The following GALM variants were observed in gnomAD, a reference collection of about 807,000 sequenced individuals.
GALM encodes galactose mutarotase.
In GALM, 43 loss-of-function variants were observed where a neutral mutation model predicts 37.4. The observed-to-expected ratio is 1.15, with a 90% CI of 0.90 to 1.48. GALM has a LOEUF of 1.48. GALM is among the 40% of genes most tolerant of loss of function. The pLI is 0.00. For missense variants in GALM, 456 were observed against 419.1 expected (o/e 1.09, Z -0.77); for synonymous variants, 199 against 170.6 (o/e 1.17, Z -1.30).
intron 4 of GALM, among the ~76,000 whole-genome samples, chr2:38,724,352 GAAA>G (rs906556506): frequency 6.6e-5 from 10 of 151,824 alleles, no homozygotes; most frequent in African/African-American, 2.2e-4. Flanking sequence ...TGAGAACAAA[GAAA>G]AAAAAGATTG....
intron 1 of GALM, among the ~76,000 whole-genome samples, chr2:38,672,943 G>A (rs1279257871): frequency 1.3e-5 from 2 of 152,102 alleles, no homozygotes; most frequent in African/African-American, 4.8e-5. Flanking sequence ...CCAGGAGGCG[G>A]ACGTTGCAGT....
intron 4 of GALM, among the ~76,000 whole-genome samples, chr2:38,706,152 C>G (rs1374457365): frequency 1.3e-5 from 2 of 151,920 alleles, no homozygotes; most frequent in Non-Finnish European, 2.9e-5. Context: ...TTACACGTGC[C>G]CGCCACCCTG....
At chr2:38,671,413 A>C in intron 1 of GALM, 1 of 152,222 alleles carries the variant, frequency 6.6e-6, no homozygotes, top group East Asian at 1.9e-4. Flanking sequence ...GGCGAGGAGG[A>C]AGCTAGACAG....
intron 4 of GALM, among the ~76,000 whole-genome samples, chr2:38,726,383 C>T (rs956225731): frequency 1.3e-4 from 20 of 151,286 alleles, no homozygotes; most frequent in South Asian, 2.1e-4. Context: ...CCCGCCACTA[C>T]GCCCGGCTAA....
intron 4 of GALM, among the ~76,000 whole-genome samples, chr2:38,724,201 G>A (rs1356853926): frequency 6.6e-6 from 1 of 152,176 alleles, no homozygotes; most frequent in South Asian, 2.1e-4. Context: ...TTACAGACAT[G>A]AGCCACCATG....
Position 38,733,889 on chromosome 2 carries a change from A to C in GALM, c.*324A>C. ...CTCTCCACACTGCCTCTTTCTTTTC[A>C]ACTTTTTGCCCTTCCTTTCTTTAAA... On this transcript the variant is annotated 3_prime_UTR_variant, in exon 7 of 7. Transcript: ENST00000272252. The C allele has an allele frequency of 2.9e-6, 1 of 339,334 alleles. No individual in the cohort carries two copies. Among genetic ancestry groups the C allele is most frequent in the Non-Finnish European group, 5.6e-6 (1 of 178,182 alleles). 21.0% of individuals were successfully genotyped at this position (339,334 alleles called of 1,614,324 possible).
intron 1 of GALM, among the ~76,000 whole-genome samples, chr2:38,667,014 C>G (rs964309810): frequency 6.6e-6 from 1 of 152,130 alleles, no homozygotes; most frequent in African/African-American, 2.4e-5. Context: ...TCTATTAATC[C>G]GATGACCTCA....
chr2:38,715,377 G>C (rs1666249467), intron 4 of GALM, among the ~76,000 whole-genome samples: 1 of 152,226 alleles, frequency 6.6e-6, no homozygotes, highest in Non-Finnish European at 1.5e-5. Context: ...TCAGTAACCT[G>C]CACAAAGTTA....
intron 1 of GALM, among the ~76,000 whole-genome samples, chr2:38,673,732 C>T (rs1297944048): frequency 4.0e-5 from 6 of 150,760 alleles, no homozygotes; most frequent in Non-Finnish European, 8.8e-5. Flanking sequence ...ATGGCGTGAA[C>T]CTGGGAGGCG....
intron 5 of GALM, among the ~76,000 whole-genome samples, chr2:38,730,569 GTT>G (rs1048935209): frequency 2.0e-5 from 3 of 152,022 alleles, no homozygotes; most frequent in Admixed American, 6.6e-5. Context: ...CCGGTCAACA[GTT>G]TTTAAATAAA....
At chr2:38,686,423 GCCCA>G (rs1665538008) in intron 3 of GALM, among the ~76,000 whole-genome samples, 1 of 151,562 alleles carries the variant, frequency 6.6e-6, no homozygotes, top group African/African-American at 2.4e-5. Flanking sequence ...CCACCACCAT[GCCCA>G]GCTACTTTTT....
At chr2:38,729,727 A>G in intron 5 of GALM, 30 bp downstream of exon 5, 5 of 1,584,354 alleles carry the variant, frequency 3.2e-6, no homozygotes, top group Non-Finnish European at 4.3e-6. Flanking sequence ...CTGAGTCTGT[A>G]AGGAAGAAAT....
chr2:38,671,299 G>A (rs569474181), intron 1 of GALM: 121 of 152,338 alleles, frequency 7.9e-4, no homozygotes, highest in African/African-American at 2.9e-3. Context: ...CACTGCTATA[G>A]AAGAACTGCC....
chr2:38,674,598 A>G (rs189484144), intron 1 of GALM, among the ~76,000 whole-genome samples: 234 of 152,230 alleles, frequency 1.5e-3, no homozygotes, highest in African/African-American at 5.2e-3. Context: ...AGCATTCTAT[A>G]TTTCCTCTGG....
chr2:38,714,739 A>G (rs1353051834), intron 4 of GALM, among the ~76,000 whole-genome samples: 1 of 152,214 alleles, frequency 6.6e-6, no homozygotes, highest in African/African-American at 2.4e-5. Flanking sequence ...AACCACTCCA[A>G]TACAGATAAT....
At chr2:38,698,372 C>A in intron 4 of GALM, 1 of 1,304,516 alleles carries the variant, frequency 7.7e-7, no homozygotes, top group Non-Finnish European at 1.0e-6. Flanking sequence ...GCAGGTGGCA[C>A]CAACAGAAGG....
intron 1 of GALM, among the ~76,000 whole-genome samples, chr2:38,675,215 A>T (rs191689761): frequency 1.3e-5 from 2 of 152,262 alleles, no homozygotes; most frequent in Admixed American, 1.3e-4. Context: ...AAAAAGAAAG[A>T]AAAAAGCACA....
intron 4 of GALM, among the ~76,000 whole-genome samples, chr2:38,692,792 G>A: frequency 6.6e-6 from 1 of 152,206 alleles, no homozygotes; most frequent in Non-Finnish European, 1.5e-5. Context: ...GGAAATGAGA[G>A]TTAAATAAAA....
At chr2:38,701,569 T>C (rs766863251) in intron 4 of GALM, among the ~76,000 whole-genome samples, 2 of 152,178 alleles carry the variant, frequency 1.3e-5, no homozygotes, top group Non-Finnish European at 2.9e-5. Context: ...ATTCTAAAAT[T>C]ACATCAAAGC....
Sources: gnomAD v4.1 joint callset for allele counts (sites outside exome capture counted in the v4.1 genomes callset) on GRCh38, gnomAD v4.1.1 for gene constraint, MANE v1.5 for transcripts, NCBI Gene and HGNC (gene_info 2026-07-23, HGNC 2026-07-21) for gene names.